Variants in COL4A2 observed in about 807,000 individuals in gnomAD.
The protein encoded by COL4A2 is collagen type IV alpha 2 chain.
A neutral mutation model predicts 200.2 loss-of-function variants in COL4A2; 99 were observed. The observed-to-expected ratio is 0.49, with a 90% confidence interval of 0.42 to 0.58. COL4A2 has a LOEUF of 0.58. COL4A2 is among the 20% of genes least tolerant of loss of function. COL4A2 has a pLI of 0.00. For missense variants in COL4A2, 1,950 were observed against 2,314.1 expected, an observed-to-expected ratio of 0.84 and a Z score of 3.23; for synonymous variants, 897 against 900.6, an observed-to-expected ratio of 1.00 and a Z score of 0.07.
rs573216249 is a variant in COL4A2, at chr13:110,410,561, C to T, written c.181-14173C>T. Among the ~76,000 whole-genome samples the T allele has an allele frequency of 6.6e-5, 10 of 152,308 alleles. No homozygotes were observed. The East Asian group carries it at 1.5e-3, about 24-fold the overall frequency. On this transcript the variant is annotated intron_variant, in intron 4 of 47. Coordinates refer to ENST00000360467, the MANE Select transcript of COL4A2 (RefSeq NM_001846.4). ...CTTCCCATTCGTACATGACCCCCAGCACCTGTTCTTTTTCTCCCGTAGCTT... is the reference window on the plus strand; with the variant it reads ...CTTCCCATTCGTACATGACCCCCAGTACCTGTTCTTTTTCTCCCGTAGCTT...
At chr13:110,501,530 T>A in intron 40 of COL4A2, 138 bp from the exon 41 acceptor site, 4 of 646,508 alleles carry the variant, frequency 6.2e-6, no homozygotes, top group Non-Finnish European at 7.9e-6. Flanking sequence ...GAGATGTTCC[T>A]TGGCCTGAGG....
intron 16 of COL4A2, among the ~76,000 whole-genome samples, chr13:110,444,463 TA>T (rs1292618557): frequency 6.6e-6 from 1 of 152,236 alleles, no homozygotes; most frequent in Non-Finnish European, 1.5e-5. Context: ...ACCTCATTTT[TA>T]AAATCACAGA....
chr13:110,357,718 C>T (rs1288609569), intron 4 of COL4A2, among the ~76,000 whole-genome samples, 166 bp downstream of exon 4: 2 of 152,178 alleles, frequency 1.3e-5, no homozygotes, highest in South Asian at 2.1e-4. Flanking sequence ...ACTACACACC[C>T]GGCTGTGTGA....
intron 4 of COL4A2, among the ~76,000 whole-genome samples, chr13:110,361,978 C>T (rs1388219616): frequency 6.6e-6 from 1 of 152,204 alleles, no homozygotes; most frequent in Non-Finnish European, 1.5e-5. Context: ...GAGTCCAAAA[C>T]AAAACTCAAG....
intron 16 of COL4A2, among the ~76,000 whole-genome samples, chr13:110,441,680 A>T (rs1417781774): frequency 6.6e-6 from 1 of 152,224 alleles, no homozygotes; most frequent in African/African-American, 2.4e-5. Context: ...ATCGTTCAAA[A>T]GTAACCCGTT....
chr13:110,404,210 G>A (rs1440603478), intron 4 of COL4A2, among the ~76,000 whole-genome samples: 2 of 152,172 alleles, frequency 1.3e-5, no homozygotes, highest in Admixed American at 1.3e-4. Flanking sequence ...TAAGTATGAT[G>A]TATTTAGATT....
At chr13:110,481,640 T>TCTGTCCCTCCGTGCTGGAGACACACTGC (rs1882925647) in intron 31 of COL4A2, among the ~76,000 whole-genome samples, 3 of 21,238 alleles carry the variant, frequency 1.4e-4, no homozygotes, top group Non-Finnish European at 4.6e-4. Flanking sequence ...AGACACACTG[T>TCTGTCCCTCCGTGCTGGAGACACACTGC]TCTGTCCTTC....
intron 20 of COL4A2, among the ~76,000 whole-genome samples, chr13:110,456,241 A>G (rs1190531939): frequency 1.3e-5 from 2 of 152,394 alleles, no homozygotes; most frequent in African/African-American, 4.8e-5. Flanking sequence ...ATGGCTGACC[A>G]TGCTGAATCC....
At chr13:110,355,417 GT>G (rs1238272394) in intron 3 of COL4A2, among the ~76,000 whole-genome samples, 2 of 105,724 alleles carry the variant, frequency 1.9e-5, no homozygotes, top group Non-Finnish European at 3.7e-5. Context: ...ACCTGTGTGT[GT>G]GGGGGAGGGC....
At chr13:110,315,566 AC>A (rs2139344823) in intron 3 of COL4A2, among the ~76,000 whole-genome samples, 1 of 152,056 alleles carries the variant, frequency 6.6e-6, no homozygotes, top group East Asian at 1.9e-4. Context: ...CAGCTAACTT[AC>A]GTATTTTTAG....
rs138045405 is a variant in COL4A2, at chr13:110,444,144, A to G, written c.958-1685A>G. 4.3e-4 allele frequency among the ~76,000 whole-genome samples: 65 copies of G among 152,206 alleles called. No individual in the cohort carries two copies. The East Asian group carries it at 6.8e-3, about 16-fold the overall frequency. ...CTTCTTAAGTTGTCCCCCTTCCCCAATGGGTTTTCTATAATGCCCAGTGCA... is the reference window on the plus strand; with the variant it reads ...CTTCTTAAGTTGTCCCCCTTCCCCAGTGGGTTTTCTATAATGCCCAGTGCA... On this transcript the variant is annotated intron_variant, in intron 16 of 47. Transcript: ENST00000360467.
chr13:110,381,013 ATCTCACACCCACGGGCTCTG>A (rs1878462906), intron 4 of COL4A2, among the ~76,000 whole-genome samples: 2 of 137,546 alleles, frequency 1.5e-5, no homozygotes, highest in African/African-American at 5.9e-5. Flanking sequence ...CACAGGCTCT[ATCTCACACCCACGGGCTCTG>A]TCTCACACCT....
intron 20 of COL4A2, among the ~76,000 whole-genome samples, chr13:110,456,171 C>G (rs1002395759): frequency 1.1e-4 from 16 of 152,214 alleles, no homozygotes; most frequent in Admixed American, 3.3e-4. Context: ...ATCATTGAGC[C>G]CTGCAGGAGC....
At chr13:110,333,285 G>T (rs1876012497) in intron 3 of COL4A2, among the ~76,000 whole-genome samples, 1 of 152,186 alleles carries the variant, frequency 6.6e-6, no homozygotes, top group Non-Finnish European at 1.5e-5. Flanking sequence ...AATGAAATCT[G>T]AGATGCTTCC....
At chr13:110,347,624 T>C (rs1876766942) in intron 3 of COL4A2, among the ~76,000 whole-genome samples, 1 of 152,272 alleles carries the variant, frequency 6.6e-6, no homozygotes, top group Non-Finnish European at 1.5e-5. Flanking sequence ...GGATGTGTTC[T>C]GGCCCTGGCC....
chr13:110,482,706 C>T (rs1267327846), intron 32 of COL4A2, 47 bp downstream of exon 32: 1 of 1,573,388 alleles, frequency 6.4e-7, no homozygotes, highest in Non-Finnish European at 8.7e-7. Context: ...TGGTGGCATC[C>T]TCCTTACCCT....
At chr13:110,443,355 A>T (rs999265680) in intron 16 of COL4A2, among the ~76,000 whole-genome samples, 8 of 152,212 alleles carry the variant, frequency 5.3e-5, no homozygotes, top group Non-Finnish European at 1.0e-4. Context: ...GACTGCTTTT[A>T]AGCTTTAGAA....
rs76961007 is a variant in COL4A2, at chr13:110,422,966, C to T, written c.181-1768C>T. On this transcript the variant is annotated intron_variant, in intron 4 of 47. Transcript: ENST00000360467. ...TATGAACATTCTGTGAAGACAGACACGTCTCAGCTGAACAGTTTACCTAGG... is the reference window on the plus strand; with the variant it reads ...TATGAACATTCTGTGAAGACAGACATGTCTCAGCTGAACAGTTTACCTAGG... Among the ~76,000 whole-genome samples, 796 of 152,250 alleles carry T rather than the reference C, an allele frequency of 5.2e-3. 5 individuals carry two copies. The highest frequency in any genetic ancestry group is 0.018 in the African/African-American group (740 of 41,550).
At chr13:110,411,563 G>A (rs1879838249) in intron 4 of COL4A2, among the ~76,000 whole-genome samples, 1 of 152,194 alleles carries the variant, frequency 6.6e-6, no homozygotes, top group Non-Finnish European at 1.5e-5. Context: ...CCGTGAAATG[G>A]CTACATTTGA....
Sources: gnomAD v4.1 joint callset for allele counts (sites outside exome capture counted in the v4.1 genomes callset) on GRCh38, gnomAD v4.1.1 for gene constraint, MANE v1.5 for transcripts, NCBI Gene and HGNC (gene_info 2026-07-23, HGNC 2026-07-21) for gene names.